CACNA2D1: variants seen among roughly 807,000 people sequenced by gnomAD.
CACNA2D1 encodes voltage-dependent calcium channel subunit alpha-2/delta-1.
In CACNA2D1, 53 loss-of-function variants were observed where a neutral mutation model predicts 171.5. The observed-to-expected ratio is 0.31, with a 90% CI of 0.25 to 0.39. The LOEUF is 0.39. Among genes scored for constraint, CACNA2D1 ranks in the 10% least tolerant of loss-of-function variants. The pLI is 1.00. For missense variants in CACNA2D1, 903 were observed against 1,299.8 expected (o/e 0.69, Z 4.69); for synonymous variants, 442 against 443.1 (o/e 1.00, Z 0.03).
intron 1 of CACNA2D1, among the ~76,000 whole-genome samples, chr7:82,367,425 A>C (rs1821864441): frequency 6.6e-6 from 1 of 152,078 alleles, no homozygotes; most frequent in South Asian, 2.1e-4. Context: ...CACCAGGTCA[A>C]ATGTCACCAC....
intron 6 of CACNA2D1, among the ~76,000 whole-genome samples, chr7:82,099,449 TTTTTTTTTTTTTTTTTTTG>T (rs1812385991): frequency 5.0e-5 from 1 of 19,870 alleles, no homozygotes; most frequent in Non-Finnish European, 1.3e-4. Flanking sequence ...TTTTTTTTTT[TTTTTTTTTTTTTTTTTTTG>T]AGACGGAGTC....
chr7:82,024,565 C>A, intron 12 of CACNA2D1, among the ~76,000 whole-genome samples: 1 of 151,658 alleles, frequency 6.6e-6, no homozygotes, highest in Non-Finnish European at 1.5e-5. Flanking sequence ...AAATATATGG[C>A]TTGTAAATAT....
chr7:82,415,137 G>GGGGA (rs1828039472), intron 1 of CACNA2D1, among the ~76,000 whole-genome samples: 1 of 152,082 alleles, frequency 6.6e-6, no homozygotes, highest in Admixed American at 6.6e-5. Flanking sequence ...ATCCCCTGTG[G>GGGGA]TTGCACCACA....
intron 3 of CACNA2D1, among the ~76,000 whole-genome samples, chr7:82,284,025 C>G (rs920520326): frequency 5.3e-5 from 8 of 151,610 alleles, no homozygotes; most frequent in South Asian, 4.2e-4. Flanking sequence ...TTAAGCAAAA[C>G]TTCAAATATA....
intron 1 of CACNA2D1, among the ~76,000 whole-genome samples, chr7:82,371,381 T>C (rs1378700610): frequency 2.0e-5 from 3 of 152,112 alleles, no homozygotes; most frequent in Non-Finnish European, 4.4e-5. Flanking sequence ...ATTAGGCCAG[T>C]AATGGCACGT....
intron 6 of CACNA2D1, among the ~76,000 whole-genome samples, chr7:82,111,315 C>T (rs961305347): frequency 9.8e-5 from 7 of 71,402 alleles, no homozygotes; most frequent in African/African-American, 3.9e-4. Context: ...TATATATATA[C>T]GTGTATATAC....
intron 3 of CACNA2D1, among the ~76,000 whole-genome samples, chr7:82,321,886 G>C (rs1202856900): frequency 2.0e-5 from 3 of 151,868 alleles, no homozygotes; most frequent in African/African-American, 7.2e-5. Flanking sequence ...CAGCACTTTG[G>C]GAGGCCGAGG....
chr7:82,059,677 G>T (rs192530664), intron 10 of CACNA2D1, among the ~76,000 whole-genome samples: 76 of 151,766 alleles, frequency 5.0e-4, no homozygotes, highest in African/African-American at 1.8e-3. Flanking sequence ...ACTCAAAAAG[G>T]CTCCTGGCAT....
chr7:81,982,532 G>A (rs1405197113), intron 24 of CACNA2D1, 35 bp downstream of exon 24: 4 of 1,249,702 alleles, frequency 3.2e-6, no homozygotes, highest in Non-Finnish European at 4.7e-6. Flanking sequence ...CCTAGCTACT[G>A]ATAGAAGATG....
chr7:82,037,492 G>T (rs929951091), intron 11 of CACNA2D1, among the ~76,000 whole-genome samples: 1 of 149,500 alleles, frequency 6.7e-6, no homozygotes, highest in African/African-American at 2.5e-5. Context: ...AAAAAAAAAA[G>T]ACACATGCTA....
At chr7:81,987,098 C>A (rs1022553234) in intron 21 of CACNA2D1, among the ~76,000 whole-genome samples, 1 of 152,140 alleles carries the variant, frequency 6.6e-6, no homozygotes, top group South Asian at 2.1e-4. Context: ...TTAAAACTAG[C>A]ACATCTACTA....
chr7:82,066,626 CA>C, intron 7 of CACNA2D1, 102 bp from the exon 8 acceptor site: 1 of 1,445,628 alleles, frequency 6.9e-7, no homozygotes, highest in Non-Finnish European at 9.2e-7. Context: ...TACATAATTT[CA>C]CTTACGTACT....
At chr7:82,324,716 G>A (rs913896839) in intron 3 of CACNA2D1, among the ~76,000 whole-genome samples, 5 of 152,070 alleles carry the variant, frequency 3.3e-5, no homozygotes, top group African/African-American at 9.7e-5. Context: ...TATCAAGCAG[G>A]ACAGGTATCT....
chr7:82,360,116 T>C (rs866895545), intron 1 of CACNA2D1, among the ~76,000 whole-genome samples: 1 of 152,196 alleles, frequency 6.6e-6, no homozygotes, highest in African/African-American at 2.4e-5. Context: ...ATGATCTGAT[T>C]CATGGTTTGG....
At chr7:82,389,969 G>A (rs961104727) in intron 1 of CACNA2D1, among the ~76,000 whole-genome samples, 14 of 152,162 alleles carry the variant, frequency 9.2e-5, no homozygotes, top group Non-Finnish European at 2.1e-4. Flanking sequence ...AATTGCATAT[G>A]CAACATGAGC....
chr7:82,364,619 C>T (rs889308746), intron 1 of CACNA2D1, among the ~76,000 whole-genome samples: 27 of 152,200 alleles, frequency 1.8e-4, no homozygotes, highest in East Asian at 9.7e-4. Flanking sequence ...TGCCAGGGCT[C>T]GAATTAGAAT....
intron 15 of CACNA2D1, among the ~76,000 whole-genome samples, chr7:82,010,883 A>G (rs1277713295): frequency 6.6e-6 from 1 of 152,144 alleles, no homozygotes; most frequent in Admixed American, 6.6e-5. Flanking sequence ...AGTAGGGAAA[A>G]GGGTTACTGA....
At chr7:82,386,636 G>C (rs1245209129) in intron 1 of CACNA2D1, among the ~76,000 whole-genome samples, 1 of 152,034 alleles carries the variant, frequency 6.6e-6, no homozygotes, top group East Asian at 1.9e-4. Context: ...GCAAGGCTGA[G>C]GCAGGAGAAT....
chr7:82,155,066 T>G (rs1024130867), intron 4 of CACNA2D1, among the ~76,000 whole-genome samples: 1 of 152,092 alleles, frequency 6.6e-6, no homozygotes, highest in Non-Finnish European at 1.5e-5. Flanking sequence ...CTCCCCTTTC[T>G]GTCTTGCTCC....
Sources: allele counts gnomAD v4.1 joint callset (sites outside exome capture counted in the v4.1 genomes callset), GRCh38; gene constraint gnomAD v4.1.1; transcripts MANE v1.5; gene names NCBI Gene and HGNC (gene_info 2026-07-23, HGNC 2026-07-21).